MYO16: variants seen among roughly 807,000 people sequenced by gnomAD.
The protein encoded by MYO16 is unconventional myosin-XVI.
MYO16 carries 94 observed loss-of-function variants against 205.3 expected under a neutral mutation model. The observed-to-expected ratio is 0.46, with a 90% CI of 0.39 to 0.54. The LOEUF (loss-of-function observed/expected upper bound fraction) is 0.54, where lower values mean the gene tolerates loss of function less well. MYO16 is among the 20% of genes least tolerant of loss of function. The pLI is 0.00. For missense variants in MYO16, 2,315 were observed against 2,387.5 expected, an observed-to-expected ratio of 0.97 and a Z score of 0.63; for synonymous variants, 988 against 954.0, an observed-to-expected ratio of 1.04 and a Z score of -0.66.
chr13:108,738,021 TC>T (rs1370150377), intron 4 of MYO16, among the ~76,000 whole-genome samples: 1 of 152,224 alleles, frequency 6.6e-6, no homozygotes, highest in African/African-American at 2.4e-5. Context: ...TTGATTCTTC[TC>T]TCTTCTTCTT....
intron 4 of MYO16, among the ~76,000 whole-genome samples, chr13:108,775,597 T>C (rs1048594592): frequency 1.3e-4 from 19 of 151,274 alleles, no homozygotes; most frequent in Admixed American, 1.2e-3. Flanking sequence ...ACCTTTGATA[T>C]GCTGAAAACT....
intron 23 of MYO16, among the ~76,000 whole-genome samples, chr13:109,024,801 A>G (rs1886308365): frequency 6.6e-6 from 1 of 152,156 alleles, no homozygotes; most frequent in Admixed American, 6.6e-5. Flanking sequence ...ACTCATTCAC[A>G]TGTTCAGTGT....
At position 109,140,337 on chromosome 13, in the gene MYO16, C is replaced by T; in HGVS notation, c.4125C>T (p.Arg1375=). The T allele has an allele frequency of 6.2e-7, 1 of 1,603,452 alleles. No individual in the cohort carries two copies. ...AGATTCCTCCTCGAAAGCCCAAGCG[C>T]AGCCCCAACACCAAGCTCAGCGGCT... ...MKKIPPRKPK[R]SPNTKLSGSY... is the part of the protein sequence containing the mutation. Residue 1375 remains arginine, a synonymous_variant, in exon 32 of 35, where the codon CGC becomes CGT. Coordinates refer to ENST00000457511, the MANE Select transcript of MYO16 (RefSeq NM_001198950.3). The surrounding 1 kb of genome is among the most constrained non-coding windows in gnomAD (Gnocchi z 8.0).
At chr13:108,814,206 T>G (rs1887379532) in intron 7 of MYO16, among the ~76,000 whole-genome samples, 1 of 152,188 alleles carries the variant, frequency 6.6e-6, no homozygotes, top group African/African-American at 2.4e-5. Context: ...TTGAATTTAG[T>G]AATGCAACAT....
intron 23 of MYO16, among the ~76,000 whole-genome samples, chr13:109,044,855 A>G (rs1886989384): frequency 6.6e-6 from 1 of 151,914 alleles, no homozygotes. Context: ...ACACCCAGCT[A>G]ATTTTTGTAT....
Position 109,068,229 on chromosome 13 carries a change from A to C in MYO16, c.3335+12634A>C, listed in dbSNP as rs73618333. Among the ~76,000 whole-genome samples the C allele has an allele frequency of 3.6e-3, 548 of 152,310 alleles. 3 individuals carry two copies. Among genetic ancestry groups the C allele is most frequent in the African/African-American group, 0.012 (496 of 41,578 alleles). On this transcript the variant is annotated intron_variant, in intron 27 of 34. Coordinates refer to ENST00000457511, the MANE Select transcript of MYO16 (RefSeq NM_001198950.3). The stretch of plus-strand genomic sequence containing the variant: ...AGATTTTGAATCTTGGAGCTTGAAG[A>C]AGCAGAGGGAAACAACTGTTTCTTT...
At chr13:108,927,246 C>T (rs1276929399) in intron 16 of MYO16, among the ~76,000 whole-genome samples, 2 of 152,148 alleles carry the variant, frequency 1.3e-5, no homozygotes, top group Non-Finnish European at 2.9e-5. Context: ...GTAAATAATG[C>T]ATTATATTTG....
intron 1 of MYO16, among the ~76,000 whole-genome samples, chr13:108,610,468 C>T (rs1353486832): frequency 6.6e-6 from 1 of 152,220 alleles, no homozygotes; most frequent in East Asian, 1.9e-4. Flanking sequence ...TTGTTGAAAT[C>T]CTCCTGTGTG....
chr13:108,587,904 T>C, the MYO16 span, among the ~76,000 whole-genome samples: 228 of 152,280 alleles, frequency 1.5e-3, no homozygotes, highest in Non-Finnish European at 2.6e-3. Context: ...AAGACAAATA[T>C]ATCTGAATAT....
intron 4 of MYO16, among the ~76,000 whole-genome samples, chr13:108,743,476 A>AT (rs1405763317): frequency 1.3e-5 from 2 of 152,170 alleles, no homozygotes; most frequent in African/African-American, 2.4e-5. Context: ...CTCTTTAAAG[A>AT]TTTTTTCGCT....
intron 28 of MYO16, among the ~76,000 whole-genome samples, chr13:109,103,926 A>C (rs1392368810): frequency 6.6e-6 from 1 of 152,210 alleles, no homozygotes; most frequent in Non-Finnish European, 1.5e-5. Context: ...TCATCTACAG[A>C]GTATATTACA....
chr13:108,936,577 TG>T (rs1203705073), intron 16 of MYO16, among the ~76,000 whole-genome samples: 2 of 152,166 alleles, frequency 1.3e-5, no homozygotes, highest in Non-Finnish European at 2.9e-5. Flanking sequence ...ATGCCTTCTT[TG>T]TCCTTTTTTT....
At chr13:108,900,945 G>T (rs994996229) in intron 15 of MYO16, among the ~76,000 whole-genome samples, 8 of 152,138 alleles carry the variant, frequency 5.3e-5, no homozygotes, top group African/African-American at 1.7e-4. Flanking sequence ...TGTCCCTGAG[G>T]GGAGGCCTCT....
intron 20 of MYO16, among the ~76,000 whole-genome samples, chr13:108,986,622 C>CAAAAAAA (rs11350100): frequency 1.4e-5 from 1 of 69,526 alleles, no homozygotes; most frequent in African/African-American, 5.6e-5. Context: ...AACTCCGTCT[C>CAAAAAAA]AAAAAAAAAA....
upstream of MYO16, among the ~76,000 whole-genome samples, chr13:108,627,918 A>C (rs142774915): frequency 4.1e-3 from 621 of 152,310 alleles, 2 homozygotes; most frequent in Non-Finnish European, 6.2e-3. Flanking sequence ...TTTATCCGGC[A>C]TTGTATTAAG....
At chr13:108,814,476 A>G (rs962431582) in intron 7 of MYO16, among the ~76,000 whole-genome samples, 1 of 151,996 alleles carries the variant, frequency 6.6e-6, no homozygotes, top group African/African-American at 2.4e-5. Flanking sequence ...ATGATATAAA[A>G]GCAAGAAAAT....
At chr13:108,545,206 T>A in the MYO16 span, among the ~76,000 whole-genome samples, 1 of 152,262 alleles carries the variant, frequency 6.6e-6, no homozygotes, top group Admixed American at 6.5e-5. Context: ...CTTCTTTGTG[T>A]CCATATGTAC....
intron 3 of MYO16, among the ~76,000 whole-genome samples, chr13:108,713,655 A>G (rs1883810286): frequency 6.6e-6 from 1 of 152,222 alleles, no homozygotes; most frequent in Admixed American, 6.5e-5. Context: ...CATTGGGGAA[A>G]AACTGCATGA....
Position 109,100,813 on chromosome 13 carries a change from C to T in MYO16, c.3364C>T (p.Arg1122Cys), listed in dbSNP as rs775088899. The T allele has an allele frequency of 4.3e-6, 7 of 1,613,442 alleles. 1 individual carries two copies. The highest frequency in any genetic ancestry group is 3.3e-4 in the Middle Eastern group (2 of 6,054). The change falls in exon 28 of 35, where the codon CGT becomes TGT. Residue 1122 changes from arginine (R) to cysteine (C), a missense_variant. Coordinates refer to ENST00000457511, the MANE Select transcript of MYO16 (RefSeq NM_001198950.3). Reference sequence around the variant, plus strand: ...TAAGCCACTGGCTGATACATTCCTGCGTGAGAAGAAGGAACAGTCAGCTGC... The same window carrying T: ...TAAGCCACTGGCTGATACATTCCTGTGTGAGAAGAAGGAACAGTCAGCTGC... ...RYKPLADTFL[R>C]EKKEQSAAER...
Sources: gnomAD v4.1 joint callset for allele counts (sites outside exome capture counted in the v4.1 genomes callset) on GRCh38, gnomAD v4.1.1 for gene constraint, Gnocchi (gnomAD v3.1) non-coding constraint, MANE v1.5 for transcripts, NCBI Gene and HGNC (gene_info 2026-07-23, HGNC 2026-07-21) for gene names.